Variants in FSTL4 observed in about 807,000 individuals in gnomAD.
FSTL4 encodes follistatin like 4.
A neutral mutation model predicts 78.2 loss-of-function variants in FSTL4; 28 were observed. The ratio of observed to expected loss-of-function variants is 0.36; its 90% CI spans 0.27 to 0.49. The LOEUF (loss-of-function observed/expected upper bound fraction) is 0.49, where lower values mean the gene tolerates loss of function less well. Among genes scored for constraint, FSTL4 ranks in the 20% least tolerant of loss-of-function variants. The pLI is 0.98. For synonymous variants in FSTL4, 422 were observed against 440.5 expected (o/e 0.96, Z 0.53); for missense variants, 922 against 1,084.9 (o/e 0.85, Z 2.11).
the FSTL4 span, among the ~76,000 whole-genome samples, chr5:133,631,250 C>T: frequency 6.6e-6 from 1 of 151,742 alleles, no homozygotes; most frequent in Non-Finnish European, 1.5e-5. Context: ...ATCTATCCAT[C>T]TGATAAAGGG....
At chr5:133,810,855 C>T in the FSTL4 span, among the ~76,000 whole-genome samples, 1 of 152,220 alleles carries the variant, frequency 6.6e-6, no homozygotes, top group Non-Finnish European at 1.5e-5. Flanking sequence ...TTGAACACAC[C>T]TAGTCCCAGG....
chr5:133,716,939 C>G, the FSTL4 span, among the ~76,000 whole-genome samples: 1 of 152,186 alleles, frequency 6.6e-6, no homozygotes, highest in Non-Finnish European at 1.5e-5. Flanking sequence ...AAGTATTTGT[C>G]CCTTGGCCAA....
At chr5:133,365,013 C>T (rs550078304) in intron 4 of FSTL4, among the ~76,000 whole-genome samples, 4 of 152,262 alleles carry the variant, frequency 2.6e-5, no homozygotes, top group South Asian at 2.1e-4. Flanking sequence ...GATGAAGACA[C>T]GCTTCTGTGG....
chr5:133,633,893 G>T, the FSTL4 span, among the ~76,000 whole-genome samples: 2 of 151,866 alleles, frequency 1.3e-5, no homozygotes, highest in Admixed American at 1.3e-4. Flanking sequence ...GGTTGGCAAG[G>T]GTAGGAATTC....
At chr5:133,266,043 A>G (rs1046306257) in intron 6 of FSTL4, among the ~76,000 whole-genome samples, 1 of 152,212 alleles carries the variant, frequency 6.6e-6, no homozygotes, top group Non-Finnish European at 1.5e-5. Context: ...TAGAGTGGCT[A>G]AGCCCTCGCT....
At chr5:133,437,893 T>C (rs970041800) in intron 3 of FSTL4, among the ~76,000 whole-genome samples, 1 of 152,158 alleles carries the variant, frequency 6.6e-6, no homozygotes, top group African/African-American at 2.4e-5. Flanking sequence ...TTTATGTTAT[T>C]GAGCTTTCTC....
the FSTL4 span, among the ~76,000 whole-genome samples, chr5:133,707,408 C>A: frequency 6.6e-6 from 1 of 152,226 alleles, no homozygotes; most frequent in Non-Finnish European, 1.5e-5. Flanking sequence ...CACTCCATTT[C>A]ATGGAACATA....
chr5:133,779,601 A>AC, the FSTL4 span, among the ~76,000 whole-genome samples: 4 of 152,144 alleles, frequency 2.6e-5, no homozygotes, highest in African/African-American at 9.7e-5. Context: ...ACAAAACAAA[A>AC]AAAGAAACAA....
At chr5:133,646,800 G>T in the FSTL4 span, among the ~76,000 whole-genome samples, 1 of 152,044 alleles carries the variant, frequency 6.6e-6, no homozygotes, top group Non-Finnish European at 1.5e-5. Context: ...ATAAGAAGGG[G>T]TGAGGAAGAC....
At chr5:133,353,469 C>T (rs1420405074) in intron 4 of FSTL4, among the ~76,000 whole-genome samples, 1 of 152,130 alleles carries the variant, frequency 6.6e-6, no homozygotes, top group Admixed American at 6.5e-5. Context: ...CAAAAGAGGC[C>T]CCAGGCGTTC....
chr5:133,531,189 T>G (rs1482623035), intron 3 of FSTL4, among the ~76,000 whole-genome samples: 1 of 152,162 alleles, frequency 6.6e-6, no homozygotes, highest in Non-Finnish European at 1.5e-5. Context: ...CATCTTTCCA[T>G]CGAAATCTTA....
At chr5:133,788,114 T>C in the FSTL4 span, among the ~76,000 whole-genome samples, 36 of 152,256 alleles carry the variant, frequency 2.4e-4, no homozygotes, top group Admixed American at 6.5e-4. Flanking sequence ...TATGTCTCCA[T>C]ATCCCCAGCG....
intron 2 of FSTL4, among the ~76,000 whole-genome samples, chr5:133,572,016 T>C (rs1473387135): frequency 3.3e-5 from 5 of 152,062 alleles, no homozygotes; most frequent in Non-Finnish European, 7.4e-5. Context: ...CCAAAACTAA[T>C]GAAAGACATC....
the FSTL4 span, among the ~76,000 whole-genome samples, chr5:133,623,094 T>C: frequency 6.6e-6 from 1 of 152,022 alleles, no homozygotes; most frequent in African/African-American, 2.4e-5. Context: ...GAGGTCTTTT[T>C]TTTTTTCCTA....
chr5:133,801,466 A>G, the FSTL4 span, among the ~76,000 whole-genome samples: 1 of 152,034 alleles, frequency 6.6e-6, no homozygotes, highest in African/African-American at 2.4e-5. Flanking sequence ...AGTTGGCTTT[A>G]CCTCTTAACC....
chr5:133,826,837 C>A, the FSTL4 span, among the ~76,000 whole-genome samples: 2 of 152,240 alleles, frequency 1.3e-5, no homozygotes, highest in African/African-American at 4.8e-5. Context: ...AGTCAGGAAG[C>A]ACTGGGTTTG....
chr5:133,707,322 A>G, the FSTL4 span, among the ~76,000 whole-genome samples: 1 of 152,168 alleles, frequency 6.6e-6, no homozygotes, highest in Admixed American at 6.5e-5. Context: ...CACATGGTCT[A>G]GGAGGCTGAT....
At chr5:133,436,983 C>G (rs1008512720) in intron 3 of FSTL4, among the ~76,000 whole-genome samples, 3 of 151,980 alleles carry the variant, frequency 2.0e-5, no homozygotes, top group African/African-American at 4.8e-5. Flanking sequence ...TATTTAGAGC[C>G]AAAAATATTA....
chr5:133,573,907 T>C (rs966995175), intron 2 of FSTL4, among the ~76,000 whole-genome samples: 9 of 152,236 alleles, frequency 5.9e-5, no homozygotes, highest in East Asian at 1.9e-4. Context: ...TCCTGATGGA[T>C]TGTAGAACTA....
Sources: allele counts gnomAD v4.1 joint callset (sites outside exome capture counted in the v4.1 genomes callset), GRCh38; gene constraint gnomAD v4.1.1; transcripts MANE v1.5; gene names NCBI Gene and HGNC (gene_info 2026-07-23, HGNC 2026-07-21).